The following MAGI2 variants were observed in gnomAD, a reference collection of about 807,000 sequenced individuals.
MAGI2 encodes the protein membrane-associated guanylate kinase, WW and PDZ domain-containing protein 2.
In MAGI2, 35 loss-of-function variants were observed where a neutral mutation model predicts 133.3. The observed-to-expected ratio is 0.26, with a 90% CI of 0.20 to 0.35. The LOEUF is 0.35. MAGI2 is among the 10% of genes least tolerant of loss of function. The pLI is 1.00. For synonymous variants in MAGI2, 729 were observed against 710.6 expected (o/e 1.03, Z -0.41); for missense variants, 1,636 against 1,863.4 (o/e 0.88, Z 2.25).
chr7:78,776,892 C>T (rs1251611562), intron 2 of MAGI2, among the ~76,000 whole-genome samples: 4 of 152,044 alleles, frequency 2.6e-5, no homozygotes, highest in Non-Finnish European at 5.9e-5. Context: ...GTTTTGTGAG[C>T]ATAAACTAAA....
chr7:78,387,801 C>T (rs928476229), intron 6 of MAGI2, among the ~76,000 whole-genome samples: 1 of 152,096 alleles, frequency 6.6e-6, no homozygotes, highest in African/African-American at 2.4e-5. Flanking sequence ...TGGCACGCGC[C>T]TGTAGTTGCA....
chr7:78,360,066 G>A (rs1275551224), intron 7 of MAGI2, among the ~76,000 whole-genome samples: 1 of 152,226 alleles, frequency 6.6e-6, no homozygotes, highest in Non-Finnish European at 1.5e-5. Context: ...GGATGAGGTA[G>A]TAATGTATTT....
chr7:78,685,484 A>T (rs1816185930), intron 2 of MAGI2, among the ~76,000 whole-genome samples: 1 of 146,278 alleles, frequency 6.8e-6, no homozygotes, highest in African/African-American at 2.5e-5. Flanking sequence ...TTTTTTTAAC[A>T]GCCCCACGAG....
intron 2 of MAGI2, among the ~76,000 whole-genome samples, chr7:78,688,330 C>T (rs781482714): frequency 1.3e-5 from 2 of 152,060 alleles, no homozygotes; most frequent in Admixed American, 6.6e-5. Flanking sequence ...TGGCTCACTA[C>T]GATAAAGGAA....
At chr7:78,053,723 G>C (rs1487008939) in intron 21 of MAGI2, among the ~76,000 whole-genome samples, 1 of 152,208 alleles carries the variant, frequency 6.6e-6, no homozygotes, top group African/African-American at 2.4e-5. Flanking sequence ...AAGTAGAAGT[G>C]CCCATTTATT....
chr7:78,665,142 A>C (rs978447423), intron 2 of MAGI2, among the ~76,000 whole-genome samples: 2 of 152,106 alleles, frequency 1.3e-5, no homozygotes, highest in Non-Finnish European at 2.9e-5. Flanking sequence ...TCAAATTTGT[A>C]TACATATCTA....
intron 1 of MAGI2, among the ~76,000 whole-genome samples, chr7:79,178,783 G>C (rs1412886789): frequency 3.3e-5 from 5 of 150,354 alleles, no homozygotes; most frequent in Non-Finnish European, 7.4e-5. Flanking sequence ...AATTTTTTTT[G>C]TTAAACTTTA....
At chr7:78,694,964 G>A (rs1238884143) in intron 2 of MAGI2, among the ~76,000 whole-genome samples, 2 of 152,138 alleles carry the variant, frequency 1.3e-5, no homozygotes, top group East Asian at 1.9e-4. Flanking sequence ...GGTGGCTCAC[G>A]CCTGTAATCC....
At chr7:78,684,960 G>A (rs1169042672) in intron 2 of MAGI2, among the ~76,000 whole-genome samples, 1 of 152,186 alleles carries the variant, frequency 6.6e-6, no homozygotes, top group Non-Finnish European at 1.5e-5. Flanking sequence ...AGAGGAGCCT[G>A]TGGTACCAAT....
rs10636313 is a variant in MAGI2, at chr7:78,085,550, CCACACACACA to C, written c.3568-6475_3568-6466del. Among the ~76,000 whole-genome samples the C allele has an allele frequency of 1.9e-3, 234 of 121,042 alleles. 4 individuals are homozygous for C. The highest frequency in any genetic ancestry group is 7.2e-3 in the African/African-American group (215 of 29,980). 79.4% of individuals were successfully genotyped at this position (121,042 alleles called of 152,430 possible). ...AAAACAAAACAAAATAATAAAACTC[CCACACACACA>C]CACACACACACACACACACACAAAC... On this transcript the variant is annotated intron_variant, in intron 20 of 21. Coordinates refer to ENST00000354212, the MANE Select transcript of MAGI2 (RefSeq NM_012301.4).
chr7:78,264,463 C>A (rs575118496), intron 9 of MAGI2, among the ~76,000 whole-genome samples: 9 of 152,072 alleles, frequency 5.9e-5, no homozygotes, highest in Non-Finnish European at 1.3e-4. Context: ...CTGCAATATT[C>A]TTTTGATTAG....
chr7:78,624,671 T>A (rs1210444985), intron 3 of MAGI2, among the ~76,000 whole-genome samples: 2 of 151,062 alleles, frequency 1.3e-5, no homozygotes, highest in Admixed American at 1.3e-4. Context: ...AGGGAGAGCA[T>A]CAGAAAGAAC....
intron 2 of MAGI2, among the ~76,000 whole-genome samples, chr7:78,999,268 A>T (rs1236470494): frequency 6.6e-6 from 1 of 152,196 alleles, no homozygotes; most frequent in Non-Finnish European, 1.5e-5. Flanking sequence ...GTGGTTGCGA[A>T]GATCAGTAAG....
intron 1 of MAGI2, among the ~76,000 whole-genome samples, chr7:79,269,905 T>C (rs1228118416): frequency 6.6e-6 from 1 of 152,110 alleles, no homozygotes; most frequent in Non-Finnish European, 1.5e-5. Context: ...CTCTGATAAA[T>C]TTCTATAGTT....
intron 1 of MAGI2, among the ~76,000 whole-genome samples, chr7:79,199,556 G>A (rs1184232205): frequency 6.6e-6 from 1 of 151,956 alleles, no homozygotes. Context: ...TTTTCTAAAA[G>A]CACGTTTCTT....
intron 1 of MAGI2, among the ~76,000 whole-genome samples, chr7:79,194,293 C>T (rs1461138205): frequency 6.6e-6 from 1 of 151,798 alleles, no homozygotes; most frequent in African/African-American, 2.4e-5. Context: ...GTTGTTGTTT[C>T]CTTTTGTTTT....
intron 6 of MAGI2, among the ~76,000 whole-genome samples, chr7:78,469,943 G>A (rs1791022800): frequency 6.6e-6 from 1 of 152,054 alleles, no homozygotes; most frequent in Admixed American, 6.6e-5. Context: ...TTAAACCAAG[G>A]AATAGTCAAT....
intron 2 of MAGI2, among the ~76,000 whole-genome samples, chr7:78,810,989 G>A (rs1788994917): frequency 6.6e-6 from 1 of 151,918 alleles, no homozygotes; most frequent in Non-Finnish European, 1.5e-5. Flanking sequence ...ATTTTTGATG[G>A]ATGTAGGCAA....
chr7:79,230,068 T>G (rs1831228933), intron 1 of MAGI2, among the ~76,000 whole-genome samples: 1 of 150,508 alleles, frequency 6.6e-6, no homozygotes, highest in Non-Finnish European at 1.5e-5. Flanking sequence ...TTGCGATAGT[T>G]TACTGAGAAT....
Sources: gnomAD v4.1 joint callset for allele counts (sites outside exome capture counted in the v4.1 genomes callset) on GRCh38, gnomAD v4.1.1 for gene constraint, MANE v1.5 for transcripts, NCBI Gene and HGNC (gene_info 2026-07-23, HGNC 2026-07-21) for gene names.